PID1: variants seen among roughly 807,000 people sequenced by gnomAD.
The protein encoded by PID1 is phosphotyrosine interaction domain containing 1.
Under a neutral mutation model 19.1 loss-of-function variants are expected in PID1, and 10 were observed. The observed-to-expected ratio is 0.52, with a 90% CI of 0.32 to 0.89. The LOEUF is 0.89. Ranked by LOEUF, PID1 falls within the 40% of genes least tolerant of loss-of-function variation. The pLI is 0.03. For synonymous variants in PID1, 130 were observed against 116.0 expected, an observed-to-expected ratio of 1.12 and a Z score of -0.78; for missense variants, 248 against 285.3, an observed-to-expected ratio of 0.87 and a Z score of 0.94.
intron 1 of PID1, among the ~76,000 whole-genome samples, chr2:229,174,332 A>G (rs1182390004): frequency 6.6e-6 from 1 of 152,202 alleles, no homozygotes; most frequent in African/African-American, 2.4e-5. Context: ...CCACGGGTAG[A>G]TGATAGAGGT....
At chr2:229,150,883 G>A (rs1200240696) in intron 2 of PID1, among the ~76,000 whole-genome samples, 17 of 148,440 alleles carry the variant, frequency 1.1e-4, no homozygotes, top group Non-Finnish European at 1.5e-5. Flanking sequence ...AACCAAATTT[G>A]AGAATCTGCG....
intron 1 of PID1, among the ~76,000 whole-genome samples, chr2:229,252,859 C>G (rs1012088771): frequency 6.6e-6 from 1 of 152,148 alleles, no homozygotes; most frequent in Non-Finnish European, 1.5e-5. Flanking sequence ...TCCTACAAAG[C>G]ATCAAGTTCC....
intron 1 of PID1, among the ~76,000 whole-genome samples, chr2:229,187,007 C>CA (rs1691146844): frequency 6.6e-6 from 1 of 152,168 alleles, no homozygotes; most frequent in Admixed American, 6.5e-5. Context: ...AGGGCAGGGG[C>CA]AAAATGCTGC....
chr2:229,162,020 A>G (rs888790744), intron 1 of PID1, among the ~76,000 whole-genome samples: 2 of 152,246 alleles, frequency 1.3e-5, no homozygotes, highest in Non-Finnish European at 2.9e-5. Context: ...CTAATAGAGG[A>G]GCTTGGAAAA....
Position 229,127,393 on chromosome 2 carries a change from AT to A in PID1, c.177+28424del, listed in dbSNP as rs1695644443. On this transcript the variant is annotated intron_variant, in intron 2 of 2. Coordinates refer to ENST00000392055, the MANE Select transcript of PID1 (RefSeq NM_001100818.2). Reference sequence around the variant, plus strand: ...TGTGAATCAGCAAGATTGCCGGTTTATTTCCAGTAGAGGCTATAAACTTATC... The same window carrying A: ...TGTGAATCAGCAAGATTGCCGGTTTATTCCAGTAGAGGCTATAAACTTATC... Among the ~76,000 whole-genome samples, 3 of 152,286 alleles carry A rather than the reference AT, an allele frequency of 2.0e-5. No homozygotes were observed. The East Asian group carries it at 5.8e-4, about 29-fold the overall frequency.
intron 1 of PID1, among the ~76,000 whole-genome samples, chr2:229,221,079 G>GCT (rs1383920452): frequency 1.3e-5 from 2 of 152,036 alleles, no homozygotes; most frequent in African/African-American, 4.8e-5. Context: ...ACATACATCT[G>GCT]GTATCCCCAT....
intron 1 of PID1, among the ~76,000 whole-genome samples, chr2:229,158,288 A>T (rs932124666): frequency 6.6e-5 from 10 of 152,190 alleles, no homozygotes; most frequent in Admixed American, 2.0e-4. Context: ...AGAAACACTG[A>T]ATTTTCATTT....
intron 1 of PID1, among the ~76,000 whole-genome samples, chr2:229,216,299 T>C (rs2106254124): frequency 6.6e-6 from 1 of 152,282 alleles, no homozygotes; most frequent in East Asian, 1.9e-4. Context: ...AAGTGGACGC[T>C]CAGACTCATT....
chr2:229,158,302 A>G (rs574944721), intron 1 of PID1, among the ~76,000 whole-genome samples: 2 of 152,304 alleles, frequency 1.3e-5, no homozygotes, highest in Admixed American at 1.3e-4. Flanking sequence ...TTCATTTTAC[A>G]CTGGGCCCTA....
At chr2:229,155,576 A>G (rs1395767979) in intron 2 of PID1, among the ~76,000 whole-genome samples, 1 of 152,072 alleles carries the variant, frequency 6.6e-6, no homozygotes, top group Non-Finnish European at 1.5e-5. Flanking sequence ...CCGTCTCAAA[A>G]AAAAACAAAA....
chr2:229,248,308 G>C (rs1690055372), intron 1 of PID1, among the ~76,000 whole-genome samples: 1 of 152,142 alleles, frequency 6.6e-6, no homozygotes, highest in South Asian at 2.1e-4. Flanking sequence ...TGAGACAGTT[G>C]TTTTAGAGAA....
intron 1 of PID1, among the ~76,000 whole-genome samples, chr2:229,263,286 A>T (rs141818552): frequency 8.5e-4 from 129 of 152,280 alleles, no homozygotes; most frequent in African/African-American, 3.0e-3. Flanking sequence ...TAGCCTTCTT[A>T]GTGGACTGGT....
rs371280225 is a variant in PID1 at position 229,087,181 on chromosome 2, C to A, written c.178-61073G>T. ...TTACCCTGTGGGAAGAGTTAAAAAT[C>A]ATAATAATGGTTATCACAGCAGATA... On this transcript the variant is annotated intron_variant, in intron 2 of 2. Coordinates refer to ENST00000392055, the MANE Select transcript of PID1 (RefSeq NM_001100818.2). 5.9e-5 allele frequency among the ~76,000 whole-genome samples: 9 copies of A among 151,984 alleles called. No individual in the cohort carries two copies. In the East Asian group the frequency reaches 7.7e-4, roughly 13 times the overall value.
chr2:229,183,166 T>C (rs1690983245), intron 1 of PID1, among the ~76,000 whole-genome samples: 1 of 152,154 alleles, frequency 6.6e-6, no homozygotes, highest in South Asian at 2.1e-4. Context: ...CAGAGACGCA[T>C]GGGAGTACAC....
At chr2:229,031,739 C>T (rs1408835137) in intron 2 of PID1, among the ~76,000 whole-genome samples, 2 of 152,154 alleles carry the variant, frequency 1.3e-5, no homozygotes, top group African/African-American at 4.8e-5. Flanking sequence ...GACCGTCTCC[C>T]CTCAGAAACT....
chr2:229,198,024 C>A (rs1574713602), intron 1 of PID1, among the ~76,000 whole-genome samples: 1 of 152,080 alleles, frequency 6.6e-6, no homozygotes, highest in East Asian at 1.9e-4. Context: ...GTTCTTGATG[C>A]AAATCCAACT....
At chr2:229,122,501 C>A (rs975957814) in intron 2 of PID1, among the ~76,000 whole-genome samples, 1 of 152,006 alleles carries the variant, frequency 6.6e-6, no homozygotes, top group Non-Finnish European at 1.5e-5. Context: ...AGGGACACAG[C>A]GCCTGACCCT....
Position 229,250,283 on chromosome 2 carries a change from T to C in PID1, c.30+20731A>G, listed in dbSNP as rs1690115410. 2.0e-5 allele frequency among the ~76,000 whole-genome samples: 3 copies of C among 152,316 alleles called. No homozygotes were observed. In the South Asian group the frequency reaches 6.2e-4, roughly 32 times the overall value. On this transcript the variant is annotated intron_variant, in intron 1 of 2. Coordinates refer to ENST00000392055, the MANE Select transcript of PID1 (RefSeq NM_001100818.2). Reference sequence around the variant, plus strand: ...CAACTTCTGAGTACTCAGATGCAATTTTTTTAATCACAAAAAAGAGTCTTT... The same window carrying C: ...CAACTTCTGAGTACTCAGATGCAATCTTTTTAATCACAAAAAAGAGTCTTT...
At chr2:229,232,441 A>AAG (rs1692230922) in intron 1 of PID1, among the ~76,000 whole-genome samples, 1 of 148,968 alleles carries the variant, frequency 6.7e-6, no homozygotes, top group Admixed American at 6.7e-5. Context: ...CAAAAAAAAA[A>AAG]AAAAAAAAAA....
Sources: allele counts gnomAD v4.1 joint callset (sites outside exome capture counted in the v4.1 genomes callset), GRCh38; gene constraint gnomAD v4.1.1; transcripts MANE v1.5; gene names NCBI Gene and HGNC (gene_info 2026-07-23, HGNC 2026-07-21).